The following EFR3B variants were observed in gnomAD, a reference collection of about 807,000 sequenced individuals.
EFR3B encodes the protein protein EFR3 homolog B.
Under a neutral mutation model 104.7 loss-of-function variants are expected in EFR3B, and 64 were observed. The ratio of observed to expected loss-of-function variants is 0.61; its 90% CI spans 0.50 to 0.75. The LOEUF (loss-of-function observed/expected upper bound fraction) is 0.75, where lower values mean the gene tolerates loss of function less well. Ranked by LOEUF, EFR3B falls within the 30% of genes least tolerant of loss-of-function variation. The pLI is 0.00. For missense variants in EFR3B, 750 were observed against 1,078.5 expected, an observed-to-expected ratio of 0.70 and a Z score of 4.27; for synonymous variants, 385 against 417.9, an observed-to-expected ratio of 0.92 and a Z score of 0.96.
At chr2:25,082,138 A>G (rs1668826474) in intron 1 of EFR3B, among the ~76,000 whole-genome samples, 1 of 152,226 alleles carries the variant, frequency 6.6e-6, no homozygotes, top group African/African-American at 2.4e-5. Context: ...CTGCTCTCAC[A>G]TGTTGGACAG....
chr2:25,128,078 C>T (rs1670215183), intron 5 of EFR3B, 105 bp from the exon 6 acceptor site: 24 of 1,349,190 alleles, frequency 1.8e-5, no homozygotes, highest in Non-Finnish European at 2.4e-5. Flanking sequence ...TTCTGATGGA[C>T]AAATGTATCC....
intron 3 of EFR3B, among the ~76,000 whole-genome samples, chr2:25,094,749 T>G (rs1669231302): frequency 6.6e-6 from 1 of 152,144 alleles, no homozygotes; most frequent in African/African-American, 2.4e-5. Context: ...CATTTCTATT[T>G]GTTGATCCCA....
chr2:25,105,115 G>A (rs1298071074), intron 4 of EFR3B, among the ~76,000 whole-genome samples: 2 of 151,978 alleles, frequency 1.3e-5, no homozygotes, highest in East Asian at 1.9e-4. Flanking sequence ...AAAGTTTAAG[G>A]TTTGCCCCTT....
intron 3 of EFR3B, among the ~76,000 whole-genome samples, chr2:25,093,808 A>G (rs1669201888): frequency 6.6e-6 from 1 of 152,216 alleles, no homozygotes; most frequent in African/African-American, 2.4e-5. Flanking sequence ...AGGAGGAGTC[A>G]TCTACATTCT....
intron 1 of EFR3B, among the ~76,000 whole-genome samples, chr2:25,053,370 G>A (rs990264947): frequency 2.6e-5 from 4 of 152,312 alleles, no homozygotes; most frequent in South Asian, 2.1e-4. Context: ...TGAGGAGGGC[G>A]GAAGACAGTA....
At position 25,155,545 on chromosome 2, in the gene EFR3B, C is replaced by T. The variant is rs564710146; in HGVS notation, c.*1205C>T. ...ATGAGGATGTGCAGAGAGGAGCTAA[C>T]GCGGAGCCGGGCAGAGCCACCCAGG... is the stretch of plus-strand genomic sequence containing the variant. On this transcript the variant is annotated 3_prime_UTR_variant, in exon 23 of 23. Transcript: ENST00000403714. 8 of 152,236 alleles carry T rather than the reference C, an allele frequency of 5.3e-5. No homozygotes were observed. The highest frequency in any genetic ancestry group is 1.3e-4 in the Admixed American group (2 of 15,278). The allele number at this position is 152,236 out of a possible 1,614,324, so 9.4% of individuals were successfully genotyped here. A position where few individuals can be genotyped will look rare whatever the true frequency, so the allele number is the denominator to read the frequency against.
chr2:25,120,936 C>T (rs1669995591), intron 4 of EFR3B, among the ~76,000 whole-genome samples: 1 of 152,158 alleles, frequency 6.6e-6, no homozygotes, highest in Non-Finnish European at 1.5e-5. Flanking sequence ...GAGTCTCGCT[C>T]TATCGCCCAG....
chr2:25,135,731 T>C, intron 13 of EFR3B, 92 bp downstream of exon 13: 2 of 1,406,174 alleles, frequency 1.4e-6, no homozygotes, highest in Non-Finnish European at 1.9e-6. Flanking sequence ...ACACCCAGGT[T>C]CCCACCTCAG....
intron 1 of EFR3B, chr2:25,079,818 C>G: frequency 1.5e-6 from 1 of 683,662 alleles, no homozygotes; most frequent in South Asian, 1.4e-5. Flanking sequence ...CTCCACACAC[C>G]AAAAAGAACA....
At chr2:25,065,199 G>A (rs892972972) in intron 1 of EFR3B, among the ~76,000 whole-genome samples, 7 of 151,978 alleles carry the variant, frequency 4.6e-5, no homozygotes, top group African/African-American at 1.7e-4. Flanking sequence ...TATTTATTTT[G>A]AGACAAGGTC....
intron 1 of EFR3B, among the ~76,000 whole-genome samples, chr2:25,074,308 G>A (rs920973795): frequency 2.6e-5 from 4 of 152,160 alleles, no homozygotes; most frequent in African/African-American, 9.7e-5. Flanking sequence ...GCTCACGCCT[G>A]TAATCTCAAC....
rs565635973 is a variant in EFR3B at position 25,091,754 on chromosome 2, G to A, written c.84+353G>A. 6.6e-5 allele frequency among the ~76,000 whole-genome samples: 10 copies of A among 152,272 alleles called. No homozygotes were observed. In the South Asian group the frequency reaches 1.5e-3, roughly 22 times the overall value. On this transcript the variant is annotated intron_variant, in intron 2 of 22. Coordinates refer to ENST00000403714, the MANE Select transcript of EFR3B (RefSeq NM_014971.2). ...CTTTGAGTGATCGTAGCTCCCTGCC[G>A]GTCAGTGTGAGGACTCCCCTGTCTT...
chr2:25,052,794 T>A (rs1397462071), intron 1 of EFR3B, among the ~76,000 whole-genome samples: 1 of 151,906 alleles, frequency 6.6e-6, no homozygotes, highest in Non-Finnish European at 1.5e-5. Flanking sequence ...TGAGCCACTT[T>A]GCCCAGCCTG....
intron 5 of EFR3B, 94 bp from the exon 6 acceptor site, chr2:25,128,089 C>A: frequency 7.0e-7 from 1 of 1,420,346 alleles, no homozygotes; most frequent in East Asian, 2.5e-5. Flanking sequence ...AAATGTATCC[C>A]TGACTCCTAA....
In EFR3B at chr2:25,131,114, G is replaced by C. The variant is rs951183837; in HGVS notation, c.850-254G>C. Among the ~76,000 whole-genome samples, 2 of 152,166 alleles carry C rather than the reference G, an allele frequency of 1.3e-5. No individual in the cohort carries two copies. The highest frequency in any genetic ancestry group is 4.8e-5 in the African/African-American group (2 of 41,436). ...TGAAAGGAAGACCCTATTTTAAAATGGTCTTTTGACCAATTTTGAAGTAAA... is the reference window on the plus strand; with the variant it reads ...TGAAAGGAAGACCCTATTTTAAAATCGTCTTTTGACCAATTTTGAAGTAAA... On this transcript the variant is annotated intron_variant, in intron 8 of 22. Transcript: ENST00000403714. This position sits in a 1 kb window ranked among gnomAD's most constrained non-coding sequence, Gnocchi z 7.6.
At chr2:25,100,375 A>C (rs971437400) in intron 3 of EFR3B, among the ~76,000 whole-genome samples, 22 of 152,230 alleles carry the variant, frequency 1.4e-4, no homozygotes, top group African/African-American at 5.1e-4. Flanking sequence ...CCGTGGTGGC[A>C]GCTTTGCTGC....
rs1212544525 is a variant in EFR3B at position 25,128,203 on chromosome 2, A to T, written c.506A>T (p.Lys169Ile). Residue 169 changes from lysine (K) to isoleucine (I), a missense_variant, in exon 6 of 23, where the codon AAA (lysine) becomes ATA (isoleucine). By Grantham distance (102) the Lys-to-Ile change is moderately radical (BLOSUM62 -3). Transcript: ENST00000403714. ...TACAGAATTCGAATGTCAGGCATCA[A>T]AGGCCTGCAAGGGGTGGTGAGGAAG... ...IKTKIRMSGIKGLQGVVRKTV... is the reference protein window; with the variant it reads ...IKTKIRMSGIIGLQGVVRKTV... 6.4e-7 allele frequency: 1 copy of T among 1,551,754 alleles called. No individual in the cohort carries two copies. The highest frequency in any genetic ancestry group is 8.7e-7 in the Non-Finnish European group (1 of 1,146,990).
At chr2:25,129,580 A>C in intron 6 of EFR3B, among the ~76,000 whole-genome samples, 2 of 147,814 alleles carry the variant, frequency 1.4e-5, no homozygotes, top group Admixed American at 6.7e-5. Flanking sequence ...CCTTTCTTCC[A>C]CTTCTGTTTT....
At chr2:25,065,656 G>T (rs1442305416) in intron 1 of EFR3B, among the ~76,000 whole-genome samples, 6 of 152,062 alleles carry the variant, frequency 3.9e-5, no homozygotes, top group Non-Finnish European at 2.9e-5. Flanking sequence ...CTGAGGGCTG[G>T]GCCCTGTGCC....
Sources: allele counts gnomAD v4.1 joint callset (sites outside exome capture counted in the v4.1 genomes callset), GRCh38; gene constraint gnomAD v4.1.1; non-coding constraint Gnocchi (gnomAD v3.1); transcripts MANE v1.5; gene names NCBI Gene and HGNC (gene_info 2026-07-23, HGNC 2026-07-21).